Variants in L3HYPDH observed in about 807,000 individuals in gnomAD.
L3HYPDH encodes trans-L-3-hydroxyproline dehydratase, also known as trans-3-hydroxy-L-proline dehydratase.
A neutral mutation model predicts 26.5 loss-of-function variants in L3HYPDH; 32 were observed. The observed-to-expected ratio is 1.21, with a 90% CI of 0.91 to 1.62. The LOEUF is 1.62. Among genes scored for constraint, L3HYPDH ranks in the 40% most tolerant of loss-of-function variants. The probability of loss-of-function intolerance (pLI) is 0.00; values close to 1 mark genes in which losing one functional copy is unlikely to be tolerated. For missense variants in L3HYPDH, 554 were observed against 476.4 expected, an observed-to-expected ratio of 1.16 and a Z score of -1.52; for synonymous variants, 215 against 196.6, an observed-to-expected ratio of 1.09 and a Z score of -0.78.
upstream of L3HYPDH, chr14:59,485,367 C>A: frequency 2.6e-6 from 1 of 384,662 alleles, no homozygotes. Flanking sequence ...ATTAAAGAGG[C>A]CAGTGGGTTT....
the L3HYPDH span, among the ~76,000 whole-genome samples, chr14:59,498,226 TTG>T: frequency 2.0e-5 from 3 of 152,226 alleles, no homozygotes; most frequent in Non-Finnish European, 4.4e-5. Context: ...ACATGCTATC[TTG>T]TAAGTTGTTG....
chr14:59,502,766 T>TGTTTTG, the L3HYPDH span, among the ~76,000 whole-genome samples: 4 of 2,834 alleles, frequency 1.4e-3, no homozygotes, highest in Non-Finnish European at 0.011. Context: ...TTTTTTTTTT[T>TGTTTTG]TTTTTTTCGG....
downstream of L3HYPDH, among the ~76,000 whole-genome samples, chr14:59,468,412 G>A (rs926954021): frequency 6.6e-6 from 1 of 151,974 alleles, no homozygotes; most frequent in Non-Finnish European, 1.5e-5. Flanking sequence ...TCCATCTTAG[G>A]GTGTTTGCAC....
the L3HYPDH span, chr14:59,505,054 CT>C: frequency 2.5e-6 from 1 of 398,052 alleles, no homozygotes; most frequent in Non-Finnish European, 4.5e-6. Context: ...ACCTAACAAC[CT>C]GACCATGTTT....
At chr14:59,476,775 T>A (rs1489434870) in intron 2 of L3HYPDH, among the ~76,000 whole-genome samples, 1 of 152,228 alleles carries the variant, frequency 6.6e-6, no homozygotes, top group Non-Finnish European at 1.5e-5. Flanking sequence ...TTGTAGACGA[T>A]GAAGTCAGTT....
At chr14:59,505,198 A>G in the L3HYPDH span, 1 of 1,060,940 alleles carries the variant, frequency 9.4e-7, no homozygotes, top group Non-Finnish European at 1.3e-6. Flanking sequence ...CTTTTCCTGT[A>G]GTAGTCTGTC....
At chr14:59,505,197 T>C in the L3HYPDH span, 1 of 1,058,010 alleles carries the variant, frequency 9.5e-7, no homozygotes, top group Non-Finnish European at 1.3e-6. Context: ...ACTTTTCCTG[T>C]AGTAGTCTGT....
Position 59,472,934 on chromosome 14 carries a change from A to G in L3HYPDH, c.*31T>C. On this transcript the variant is annotated 3_prime_UTR_variant, in exon 5 of 5. Transcript: ENST00000247194. ...AGTCCTTAAGGATAATGATTACTTT[A>G]AAAAGAAAGCCCTTAAAATCATGGA... The G allele has an allele frequency of 6.4e-7, 1 of 1,554,732 alleles. No homozygotes were observed. Among genetic ancestry groups the G allele is most frequent in the South Asian group, 1.2e-5 (1 of 80,322 alleles).
chr14:59,505,251 T>C, the L3HYPDH span: 2 of 1,491,612 alleles, frequency 1.3e-6, no homozygotes, highest in South Asian at 1.3e-5. Context: ...ACTTTGTTAA[T>C]GTATTTTTCT....
intron 4 of L3HYPDH, 59 bp from the exon 5 acceptor site, chr14:59,473,149 T>G: frequency 6.8e-7 from 1 of 1,472,982 alleles, no homozygotes; most frequent in Non-Finnish European, 9.1e-7. Flanking sequence ...ATATCTGGCT[T>G]GAAAACTGTA....
the L3HYPDH span, chr14:59,503,896 C>G: frequency 6.2e-7 from 1 of 1,613,130 alleles, no homozygotes; most frequent in Admixed American, 1.7e-5. Context: ...ACTTATTGTT[C>G]TCTTCAGCCA....
upstream of L3HYPDH, chr14:59,484,539 C>G: frequency 1.9e-6 from 3 of 1,560,628 alleles, no homozygotes; most frequent in Non-Finnish European, 2.6e-6. Flanking sequence ...TTCGGTGCAG[C>G]TGCCAGATCC....
At chr14:59,489,185 C>T (rs924573810), upstream of L3HYPDH, among the ~76,000 whole-genome samples, 1 of 126,604 alleles carries the variant, frequency 7.9e-6, no homozygotes, top group African/African-American at 3.4e-5. Flanking sequence ...CTCCGCTTTC[C>T]TTTTTAAGTA....
the L3HYPDH span, chr14:59,503,733 A>G: frequency 1.6e-6 from 1 of 642,548 alleles, no homozygotes; most frequent in Non-Finnish European, 2.5e-6. Flanking sequence ...TTTTTAGCTC[A>G]AACATTTTAT....
chr14:59,486,512 C>G (rs1223525398), upstream of L3HYPDH, among the ~76,000 whole-genome samples: 4 of 152,228 alleles, frequency 2.6e-5, no homozygotes, highest in African/African-American at 9.7e-5. Flanking sequence ...ACGGTATTAA[C>G]AGCAAGGTTC....
intron 1 of L3HYPDH, among the ~76,000 whole-genome samples, chr14:59,466,818 A>T (rs1889195375): frequency 6.6e-6 from 1 of 152,118 alleles, no homozygotes; most frequent in Admixed American, 6.5e-5. Flanking sequence ...CCATCTATAC[A>T]TTGTATGATG....
intron 1 of L3HYPDH, among the ~76,000 whole-genome samples, chr14:59,465,667 T>C (rs1383545343): frequency 6.6e-6 from 1 of 151,016 alleles, no homozygotes; most frequent in African/African-American, 2.4e-5. Context: ...TTTTGGGGAG[T>C]GGTGGGGGGG....
At chr14:59,468,835 GAA>G (rs1422606362), downstream of L3HYPDH, among the ~76,000 whole-genome samples, 5 of 152,204 alleles carry the variant, frequency 3.3e-5, 1 homozygote, top group Admixed American at 3.3e-4. Flanking sequence ...CAGTCCAGGT[GAA>G]AAGTGAGAGT....
chr14:59,477,902 A>T (rs1405883974), intron 2 of L3HYPDH, among the ~76,000 whole-genome samples: 1 of 152,226 alleles, frequency 6.6e-6, no homozygotes, highest in African/African-American at 2.4e-5. Flanking sequence ...CAAATACTGT[A>T]CATGTGTTTT....
Sources: gnomAD v4.1 joint callset for allele counts (sites outside exome capture counted in the v4.1 genomes callset) on GRCh38, gnomAD v4.1.1 for gene constraint, MANE v1.5 for transcripts, NCBI Gene and HGNC (gene_info 2026-07-23, HGNC 2026-07-21) for gene names.